RAPSN: variants seen among roughly 807,000 people sequenced by gnomAD.
The protein encoded by RAPSN is 43 kDa receptor-associated protein of the synapse.
RAPSN carries 33 observed loss-of-function variants against 45.7 expected under a neutral mutation model. The observed-to-expected ratio is 0.72, with a 90% CI of 0.55 to 0.97. The LOEUF (loss-of-function observed/expected upper bound fraction) is 0.97. RAPSN is among the 50% of genes least tolerant of loss of function. The pLI is 0.00. For missense variants in RAPSN, 519 were observed against 559.4 expected (o/e 0.93, Z 0.73); for synonymous variants, 244 against 233.6 (o/e 1.04, Z -0.40).
At position 47,448,911 on chromosome 11, in the gene RAPSN, C is replaced by G; in HGVS notation, c.54G>C (p.Gln18His). ...GCAATGCCTTCTCTGTCTGGTTGGACTGGTACAGCTGGAGCCCCTTCTCGA... is the reference window on the plus strand; with the variant it reads ...GCAATGCCTTCTCTGTCTGGTTGGAGTGGTACAGCTGGAGCCCCTTCTCGA... The part of the protein sequence containing the change: ...QQIEKGLQLY[Q>H]SNQTEKALQV... The change falls in exon 1 of 8, where the codon CAG becomes CAC. Residue 18 changes from glutamine (Q) to histidine (H), a missense_variant. By Grantham distance (24) the Gln-to-His change is conservative (BLOSUM62 0). Coordinates refer to ENST00000298854, the MANE Select transcript of RAPSN (RefSeq NM_005055.5). 6.2e-7 allele frequency: 1 copy of G among 1,614,242 alleles called. No homozygotes were observed. The highest frequency in any genetic ancestry group is 8.5e-7 in the Non-Finnish European group (1 of 1,180,050).
rs765598590 is a variant in RAPSN, at chr11:47,441,189, G to T, written c.936C>A (p.Ala312=). Reference sequence around the variant, plus strand: ...TCCCCACCTCCTCGGCCAGATCCTGGGCTCTCTCGATGGCATCCAGAGCCT... The same window carrying T: ...TCCCCACCTCCTCGGCCAGATCCTGTGCTCTCTCGATGGCATCCAGAGCCT... ...LDKALDAIER[A]QDLAEEVGNK... is the part of the protein sequence containing the mutation. Residue 312 remains alanine, a synonymous_variant, in exon 6 of 8, where the codon GCC becomes GCA. Transcript: ENST00000298854. 3 of 1,613,906 alleles carry T rather than the reference G, an allele frequency of 1.9e-6. No homozygotes were observed. The highest frequency in any genetic ancestry group is 1.3e-5 in the African/African-American group (1 of 74,914).
At chr11:47,438,186 G>A (rs946301004) in intron 7 of RAPSN, 139 bp from the exon 8 acceptor site, 5 of 1,037,486 alleles carry the variant, frequency 4.8e-6, no homozygotes, top group African/African-American at 1.6e-5. Context: ...GGAAGGGAAC[G>A]GTCCCCCCAG....
At position 47,438,902 on chromosome 11, in the gene RAPSN, G is replaced by C. The variant is rs1013180221; in HGVS notation, c.996C>G (p.Ser332Arg). 4.5e-6 allele frequency: 7 copies of C among 1,562,326 alleles called. No individual in the cohort carries two copies. In the African/African-American group the frequency reaches 9.5e-5, roughly 21 times the overall value. ...KLSQLKLHCL[S>R]ESIYRSKGLQ... ...GCCCTTTGCTGCGGTAAATGCTCTC[G>C]CTCAGACAGTGCAGCTTGAGCTGGC... Residue 332 changes from serine to arginine, a missense_variant, in exon 7 of 8, where the codon AGC becomes AGG. Physicochemically the swap from Ser to Arg is moderately radical, Grantham distance 110 (BLOSUM62 -1). Coordinates refer to ENST00000298854, the MANE Select transcript of RAPSN (RefSeq NM_005055.5).
chr11:47,438,592 G>A, intron 7 of RAPSN, 140 bp downstream of exon 7: 1 of 1,035,758 alleles, frequency 9.7e-7, no homozygotes, highest in Non-Finnish European at 1.4e-6. Flanking sequence ...CAAAGTGCTT[G>A]CGAGACAGAC....
At chr11:47,438,531 C>G in intron 7 of RAPSN, 1 of 621,246 alleles carries the variant, frequency 1.6e-6, no homozygotes, top group South Asian at 2.1e-5. Context: ...CCATGTTGGC[C>G]AAGATGATCT....
At chr11:47,439,577 A>C (rs2153307220) in intron 6 of RAPSN, among the ~76,000 whole-genome samples, 1 of 152,266 alleles carries the variant, frequency 6.6e-6, no homozygotes, top group South Asian at 2.1e-4. Flanking sequence ...GGTAAACCAG[A>C]GTGGCTATAA....
At chr11:47,448,715 C>T in intron 1 of RAPSN, 58 bp downstream of exon 1, 1 of 1,595,326 alleles carries the variant, frequency 6.3e-7, no homozygotes, top group Non-Finnish European at 8.5e-7. Context: ...ACTGGGGAGC[C>T]TGGGAGACAT....
In RAPSN at chr11:47,437,966, T is replaced by C; in HGVS notation, c.*9A>G. Reference sequence around the variant, plus strand: ...TGGCGAGGAGGAAGCCCACGCCTGCTGCCAGGAGTCATACAAAGCCAGGCT... The same window carrying C: ...TGGCGAGGAGGAAGCCCACGCCTGCCGCCAGGAGTCATACAAAGCCAGGCT... On this transcript the variant is annotated 3_prime_UTR_variant, in exon 8 of 8. Transcript: ENST00000298854. The C allele has an allele frequency of 6.4e-7, 1 of 1,550,890 alleles. No individual in the cohort carries two copies. Among genetic ancestry groups the C allele is most frequent in the Non-Finnish European group, 8.7e-7 (1 of 1,146,962 alleles).
chr11:47,438,858 G>T lies in RAPSN; in HGVS notation c.1040C>A (p.Ala347Glu), dbSNP rs1252992478. ...RSKGLQRELR[A>E]HVVRFHECVE... ...GCACTCGTGGAACCTCACAACGTGC[G>T]CCCGCAGTTCCCGCTGCAGCCCTTT... The change falls in exon 7 of 8, where the codon GCG becomes GAG. Residue 347 changes from alanine (A) to glutamate (E), a missense_variant. Transcript: ENST00000298854. 1.9e-6 allele frequency: 3 copies of T among 1,569,456 alleles called. No individual in the cohort carries two copies. The highest frequency in any genetic ancestry group is 2.6e-6 in the Non-Finnish European group (3 of 1,156,692).
chr11:47,448,687 CG>C (rs2076430100), intron 1 of RAPSN, 85 bp downstream of exon 1: 1 of 1,547,486 alleles, frequency 6.5e-7, no homozygotes, highest in African/African-American at 1.4e-5. Flanking sequence ...CAGGGGAGCC[CG>C]AGGAGGCCGA....
At chr11:47,442,880 C>T in intron 2 of RAPSN, 66 bp from the exon 3 acceptor site, 2 of 1,605,590 alleles carry the variant, frequency 1.2e-6, no homozygotes, top group Non-Finnish European at 1.7e-6. Flanking sequence ...TCAAGGGCTC[C>T]TGGGCTAGGT....
At chr11:47,441,271 A>G in intron 5 of RAPSN, 59 bp from the exon 6 acceptor site, 1 of 1,598,440 alleles carries the variant, frequency 6.3e-7, no homozygotes. Flanking sequence ...CCTTGCTCAC[A>G]GGGAAGCACA....
rs2076375143 is a variant in RAPSN, at chr11:47,442,718, A to G, written c.628T>C (p.Tyr210His). ...AGGCGATAGGCCACGGCCATGTGGT[A>G]CTGGCTCATGGCCCGGTACTTCAGG... is the stretch of plus-strand genomic sequence containing the variant. The part of the protein sequence containing the change: ...WSLKYRAMSQ[Y>H]HMAVAYRLLG... Residue 210 changes from tyrosine (Y) to histidine (H), a missense_variant, in exon 3 of 8, where the codon TAC (tyrosine) becomes CAC (histidine). By Grantham distance (83) the Tyr-to-His change is moderately conservative. Transcript: ENST00000298854. 1 of 1,614,246 alleles carries G rather than the reference A, an allele frequency of 6.2e-7. No individual in the cohort carries two copies. The highest frequency in any genetic ancestry group is 1.1e-5 in the South Asian group (1 of 91,082).
intron 2 of RAPSN, among the ~76,000 whole-genome samples, chr11:47,445,992 A>G (rs1595901445): frequency 6.6e-6 from 1 of 151,064 alleles, no homozygotes; most frequent in Middle Eastern, 3.4e-3. Flanking sequence ...GCAGTGGAAC[A>G]CTCATGGCTC....
At chr11:47,439,568 G>T (rs1017657745) in intron 6 of RAPSN, among the ~76,000 whole-genome samples, 1 of 151,904 alleles carries the variant, frequency 6.6e-6, no homozygotes, top group Non-Finnish European at 1.5e-5. Context: ...TGATACCCAG[G>T]TAAACCAGAG....
chr11:47,444,125 G>C (rs1049736564), intron 2 of RAPSN, among the ~76,000 whole-genome samples: 1 of 151,888 alleles, frequency 6.6e-6, no homozygotes, highest in Non-Finnish European at 1.5e-5. Flanking sequence ...GACCAAAAGA[G>C]AAGTGTCAAT....
chr11:47,442,556 C>T (rs907718313), intron 3 of RAPSN, 100 bp downstream of exon 3: 56 of 1,401,914 alleles, frequency 4.0e-5, no homozygotes, highest in Non-Finnish European at 5.5e-5. Context: ...TAGGGGGCTT[C>T]CATGGGCTGA....
intron 2 of RAPSN, among the ~76,000 whole-genome samples, chr11:47,444,886 A>G (rs1161297203): frequency 6.7e-6 from 1 of 150,360 alleles, no homozygotes; most frequent in African/African-American, 2.5e-5. Flanking sequence ...AAAAGTAAAT[A>G]AATGTCCCTA....
chr11:47,438,671 G>A (rs765430170), intron 7 of RAPSN, 61 bp downstream of exon 7: 5 of 1,536,476 alleles, frequency 3.3e-6, no homozygotes, highest in East Asian at 4.9e-5. Flanking sequence ...AAGCCAGCTG[G>A]GCCCTAGAGT....
Sources: allele counts gnomAD v4.1 joint callset (sites outside exome capture counted in the v4.1 genomes callset), GRCh38; gene constraint gnomAD v4.1.1; transcripts MANE v1.5; gene names NCBI Gene and HGNC (gene_info 2026-07-23, HGNC 2026-07-21).